Variants in ELF4 observed in about 807,000 individuals in gnomAD.
ELF4 encodes ETS-related transcription factor Elf-4.
In ELF4, 10 loss-of-function variants were observed where a neutral mutation model predicts 31.7. The ratio of observed to expected loss-of-function variants is 0.32; its 90% CI spans 0.19 to 0.54. ELF4 has a LOEUF of 0.54. ELF4 is among the 20% of genes least tolerant of loss of function. The probability of loss-of-function intolerance (pLI) is 0.95; values close to 1 mark genes in which losing one functional copy is unlikely to be tolerated. For synonymous variants in ELF4, 208 were observed against 226.7 expected, an observed-to-expected ratio of 0.92 and a Z score of 0.74; for missense variants, 418 against 522.0, an observed-to-expected ratio of 0.80 and a Z score of 1.94.
chrX:130,079,437 G>A (rs778824632), intron 2 of ELF4, among the ~76,000 whole-genome samples: 1 of 111,176 alleles, frequency 9.0e-6, no homozygotes, highest in African/African-American at 3.3e-5. Context: ...GAACCTGGGT[G>A]ACAAGAGCGA....
chrX:130,097,614 G>T (rs1169760687), intron 1 of ELF4, among the ~76,000 whole-genome samples: 2 of 112,076 alleles, frequency 1.8e-5, no homozygotes, highest in African/African-American at 3.2e-5. Context: ...TTTCCCATGA[G>T]ATTCAAATTC....
intron 1 of ELF4, among the ~76,000 whole-genome samples, chrX:130,087,121 T>G (rs1330302377): frequency 8.9e-6 from 1 of 112,873 alleles, no homozygotes; most frequent in East Asian, 2.8e-4. Context: ...GAGCACCCCC[T>G]GGAAGTGCCT....
In ELF4 at chrX:130,097,222, G is replaced by A. The variant is rs957154010; in HGVS notation, c.-210+13103C>T. 4.2e-4 allele frequency among the ~76,000 whole-genome samples: 46 copies of A among 108,484 alleles called. 1 individual carries two copies. Among genetic ancestry groups the A allele is most frequent in the Non-Finnish European group, 8.0e-4 (42 of 52,402 alleles). 94.2% of individuals were successfully genotyped at this position (108,484 alleles called of 115,157 possible). A position where few individuals can be genotyped will look rare whatever the true frequency, so the allele number is the denominator to read the frequency against. ...GGAGGCTGAGGCAGGCAGATCACCT[G>A]AGGTCAGGAGTTCAAGACCAGCCTG... On this transcript the variant is annotated intron_variant, in intron 1 of 8. Transcript: ENST00000308167.
intron 7 of ELF4, among the ~76,000 whole-genome samples, chrX:130,070,338 C>T (rs1457895925): frequency 3.6e-5 from 4 of 110,684 alleles, no homozygotes; most frequent in African/African-American, 1.3e-4. Flanking sequence ...TTTGGGAGGC[C>T]GAGGTGGGCA....
At chrX:130,102,101 G>A (rs748103143) in intron 1 of ELF4, among the ~76,000 whole-genome samples, 8 of 111,819 alleles carry the variant, frequency 7.2e-5, no homozygotes, top group East Asian at 2.8e-4. Flanking sequence ...AACTGAGATC[G>A]CACGACTGGC....
intron 4 of ELF4, among the ~76,000 whole-genome samples, chrX:130,073,181 C>T (rs748059778): frequency 4.2e-4 from 45 of 107,481 alleles, no homozygotes; most frequent in Non-Finnish European, 7.4e-4. Flanking sequence ...CTCTGCCTCC[C>T]GGGTTCAAGC....
At chrX:130,085,827 C>T (rs1347024083) in intron 1 of ELF4, among the ~76,000 whole-genome samples, 4 of 111,747 alleles carry the variant, frequency 3.6e-5, no homozygotes, top group South Asian at 3.7e-4. Context: ...ACACCCCTCC[C>T]CCACAACCAC....
At chrX:130,074,491 G>A (rs1305884351) in intron 3 of ELF4, 90 bp downstream of exon 3, 13 of 1,147,955 alleles carry the variant, frequency 1.1e-5, no homozygotes, top group Middle Eastern at 4.9e-4. Context: ...CATTCTGCAC[G>A]GGGTTACTAG....
intron 1 of ELF4, among the ~76,000 whole-genome samples, chrX:130,101,366 T>C (rs987127160): frequency 8.9e-6 from 1 of 112,365 alleles, no homozygotes; most frequent in East Asian, 2.8e-4. Context: ...GAAGAGCAAA[T>C]AACAAATAAG....
At position 130,067,471 on chromosome X, in the gene ELF4, G is replaced by A; in HGVS notation, c.1242C>T (p.Gly414=). 8.3e-7 allele frequency: 1 copy of A among 1,211,840 alleles called. No individual in the cohort carries two copies. The highest frequency in any genetic ancestry group is 1.1e-6 in the Non-Finnish European group (1 of 895,479). Reference sequence around the variant, plus strand: ...GGATCGTCTGCAGGGTCAGGGCCGAGCCCGACCCCACGGGGGCCACTCCTA... The same window carrying A: ...GGATCGTCTGCAGGGTCAGGGCCGAACCCGACCCCACGGGGGCCACTCCTA... The part of the protein sequence containing the change: ...IHLGVAPVGS[G]SALTLQTIPL... The change falls in exon 9 of 9, where the codon GGC becomes GGT. Residue 414 remains glycine (G), a synonymous_variant. Transcript: ENST00000308167.
intron 7 of ELF4, among the ~76,000 whole-genome samples, chrX:130,069,888 C>G (rs1024782898): frequency 1.8e-5 from 2 of 112,424 alleles, no homozygotes; most frequent in African/African-American, 6.5e-5. Context: ...GAGATTTCCC[C>G]CTGAGAACTC....
rs1289721312 is a variant in ELF4 at position 130,110,494 on chromosome X, A to T, written c.-379T>A. The T allele has an allele frequency of 9.3e-6, 1 of 107,279 alleles. No individual in the cohort carries two copies. The highest frequency in any genetic ancestry group is 1.9e-5 in the Non-Finnish European group (1 of 51,405). 8.8% of individuals were successfully genotyped at this position (107,279 alleles called of 1,213,427 possible). ...AGGAACTCGGCGCCGGCGAAAGGAG[A>T]AGTGGAAGTTGAGCGCGGCGCCCGG... On this transcript the variant is annotated 5_prime_UTR_variant, in exon 1 of 9. Transcript: ENST00000308167.
rs768172610 is a variant in ELF4, at chrX:130,066,304, AACAAGTACAC to A, written c.*407_*416del. 283 of 204,308 alleles carry A rather than the reference AACAAGTACAC, an allele frequency of 1.4e-3. No individual in the cohort carries two copies. Among genetic ancestry groups the A allele is most frequent in the Non-Finnish European group, 2.1e-3 (231 of 110,634 alleles). 16.8% of individuals were successfully genotyped at this position (204,308 alleles called of 1,213,427 possible). A position where few individuals can be genotyped will look rare whatever the true frequency, so the allele number is the denominator to read the frequency against. On this transcript the variant is annotated 3_prime_UTR_variant, in exon 9 of 9. Transcript: ENST00000308167. ...CCCCAAAGAAACTAAGATACAGACC[AACAAGTACAC>A]ACAAGTACATACAGGGATATTCACA...
chrX:130,088,844 A>C (rs1284838414), intron 1 of ELF4, among the ~76,000 whole-genome samples: 1 of 112,110 alleles, frequency 8.9e-6, no homozygotes, highest in Non-Finnish European at 1.9e-5. Context: ...TTCTTTGTCA[A>C]GGTCCCTGCC....
chrX:130,069,148 C>T (rs1240820817), intron 8 of ELF4, 152 bp downstream of exon 8: 9 of 770,020 alleles, frequency 1.2e-5, no homozygotes, highest in East Asian at 3.2e-5. Flanking sequence ...CACTTGAATC[C>T]GAGAGGCGGA....
rs748191970 is a variant in ELF4 at position 130,102,853 on chromosome X, TGAGAGA to T, written c.-210+7466_-210+7471del. ...AGAAAGCAAGAAAGCAAGATAAAGA[TGAGAGA>T]GAGAGAGAGAGAGAGAGAGAGAGAG... On this transcript the variant is annotated intron_variant, in intron 1 of 8. Coordinates refer to ENST00000308167, the MANE Select transcript of ELF4 (RefSeq NM_001421.4). Among the ~76,000 whole-genome samples the T allele has an allele frequency of 3.2e-3, 186 of 58,478 alleles. 1 individual carries two copies. The highest frequency in any genetic ancestry group is 0.015 in the East Asian group (27 of 1,783). The allele number at this position is 58,478 out of a possible 115,157, so 50.8% of individuals were successfully genotyped here. A position where few individuals can be genotyped will look rare whatever the true frequency, so the allele number is the denominator to read the frequency against.
At position 130,064,352 on chromosome X, in the gene ELF4, C is replaced by T. The variant is rs1417042458; in HGVS notation, c.*2369G>A. Among the ~76,000 whole-genome samples, 1 of 111,941 alleles carries T rather than the reference C, an allele frequency of 8.9e-6. No individual in the cohort carries two copies. Among genetic ancestry groups the T allele is most frequent in the Non-Finnish European group, 1.9e-5 (1 of 53,210 alleles). ...ACTCAGGAGGCTGAGGCAGGAGAAT[C>T]ACTTGAGCCTGGGAGGCAGAGGTTG... is the stretch of plus-strand genomic sequence containing the variant. On this transcript the variant is annotated 3_prime_UTR_variant, in exon 9 of 9. Coordinates refer to ENST00000308167, the MANE Select transcript of ELF4 (RefSeq NM_001421.4).
chrX:130,070,483 G>A (rs1466007337), intron 7 of ELF4, among the ~76,000 whole-genome samples: 1 of 110,380 alleles, frequency 9.1e-6, no homozygotes, highest in African/African-American at 3.3e-5. Flanking sequence ...GCTGACACAG[G>A]AGAATGGCGT....
At chrX:130,102,523 GA>G (rs930632859) in intron 1 of ELF4, among the ~76,000 whole-genome samples, 1 of 109,569 alleles carries the variant, frequency 9.1e-6, no homozygotes, top group African/African-American at 3.3e-5. Flanking sequence ...TAAAGAAAAA[GA>G]AAAAAAAGGC....
Sources: gnomAD v4.1 joint callset for allele counts (sites outside exome capture counted in the v4.1 genomes callset) on GRCh38, gnomAD v4.1.1 for gene constraint, MANE v1.5 for transcripts, NCBI Gene and HGNC (gene_info 2026-07-23, HGNC 2026-07-21) for gene names.